DYNC1H1: variants seen among roughly 807,000 people sequenced by gnomAD.
DYNC1H1 encodes the protein cytoplasmic dynein 1 heavy chain 1.
In DYNC1H1, 51 loss-of-function variants were observed where a neutral mutation model predicts 527.1. That is an observed-to-expected ratio of 0.10 (90% CI 0.08 to 0.12). DYNC1H1 has a LOEUF of 0.12. Ranked by LOEUF, DYNC1H1 falls within the 10% of genes least tolerant of loss-of-function variation. The probability of loss-of-function intolerance (pLI) is 1.00; values close to 1 mark genes in which losing one functional copy is unlikely to be tolerated. For missense variants in DYNC1H1, 2,771 were observed against 5,971.8 expected, an observed-to-expected ratio of 0.46 and a Z score of 17.66; for synonymous variants, 2,189 against 2,278.8, an observed-to-expected ratio of 0.96 and a Z score of 1.12.
rs999288773 is a variant in DYNC1H1, at chr14:101,987,503, C to G, written c.2589C>G (p.Ser863=). ...AAAAAATAGACCTAGAAGTCCGTTC[C>G]TTGGAAACTTGTATGTATGACCATA... The part of the protein sequence containing the change: ...IEEKIDLEVR[S]LETCMYDHKT... The change falls in exon 9 of 78, where the codon TCC becomes TCG. Residue 863 remains serine (S), a synonymous_variant. Coordinates refer to ENST00000360184, the MANE Select transcript of DYNC1H1 (RefSeq NM_001376.5). 2 of 1,614,004 alleles carry G rather than the reference C, an allele frequency of 1.2e-6. No individual in the cohort carries two copies. The highest frequency in any genetic ancestry group is 1.3e-5 in the African/African-American group (1 of 74,908).
chr14:102,048,785 G>C, intron 74 of DYNC1H1, 116 bp downstream of exon 74: 7 of 1,052,354 alleles, frequency 6.7e-6, no homozygotes, highest in South Asian at 5.3e-5. Context: ...AGGAGCTTCC[G>C]AGAGCAGCTC....
In DYNC1H1 at chr14:102,009,854, A is replaced by G; in HGVS notation, c.5989A>G (p.Ile1997Val). ...CATCTCATTCTCAGCCTCTGCCCCC[A>G]TTACTTGTGAGCTGCTGAACAAACA... ...NPNYDKTSAP[I>V]TCELLNKQVK... Residue 1997 changes from isoleucine to valine, a missense_variant, in exon 30 of 78, where the codon ATT (isoleucine) becomes GTT (valine). Transcript: ENST00000360184. 1 of 1,613,356 alleles carries G rather than the reference A, an allele frequency of 6.2e-7. No homozygotes were observed.
chr14:102,024,761 C>G (rs1169553861), intron 43 of DYNC1H1, among the ~76,000 whole-genome samples: 2 of 129,836 alleles, frequency 1.5e-5, no homozygotes, highest in Non-Finnish European at 3.1e-5. Context: ...GTGGTGCTTT[C>G]TCGGCTCACT....
Position 102,011,384 on chromosome 14 carries a change from G to C in DYNC1H1, c.6618+432G>C. Reference sequence around the variant, plus strand: ...TACACAAGCTGTGTGTGTTTGGCCTGAGAGATGCTGTACGGGATTGAACAC... The same window carrying C: ...TACACAAGCTGTGTGTGTTTGGCCTCAGAGATGCTGTACGGGATTGAACAC... On this transcript the variant is annotated intron_variant, in intron 32 of 77. Coordinates refer to ENST00000360184, the MANE Select transcript of DYNC1H1 (RefSeq NM_001376.5). This position sits in a 1 kb window ranked among gnomAD's most constrained non-coding sequence, Gnocchi z 5.3. The C allele has an allele frequency of 2.8e-6, 1 of 351,654 alleles. No individual in the cohort carries two copies. The highest frequency in any genetic ancestry group is 2.3e-5 in the South Asian group (1 of 43,922). 21.8% of individuals were successfully genotyped at this position (351,654 alleles called of 1,614,324 possible).
rs2048845610 is a variant in DYNC1H1 at position 102,053,662 on chromosome 14, A to T, written c.*3099A>T. ...ACAGGGTTTCACTGTGTTAGCCAGG[A>T]TGGTCTCGCTCTCCTGACCTCGTGA... On this transcript the variant is annotated 3_prime_UTR_variant, in exon 78 of 78. Transcript: ENST00000360184. The T allele has an allele frequency of 6.9e-6, 1 of 143,962 alleles. No individual in the cohort carries two copies. Among genetic ancestry groups the T allele is most frequent in the Non-Finnish European group, 1.5e-5 (1 of 66,894 alleles). The allele number at this position is 143,962 out of a possible 1,614,324, so 8.9% of individuals were successfully genotyped here. A position where few individuals can be genotyped will look rare whatever the true frequency, so the allele number is the denominator to read the frequency against.
rs770786524 is a variant in DYNC1H1, at chr14:102,049,389, TG to T, written c.13373-46del. The T allele has an allele frequency of 6.2e-7, 1 of 1,612,080 alleles. No homozygotes were observed. Among genetic ancestry groups the T allele is most frequent in the South Asian group, 1.1e-5 (1 of 90,986 alleles). The stretch of plus-strand genomic sequence containing the variant: ...ACTTGCACATTTGTTCCATCTGTGC[TG>T]GGGGAGTTGTGAGAGCTGACACCCT... On this transcript the variant is annotated intron_variant, in intron 74 of 77. Coordinates refer to ENST00000360184, the MANE Select transcript of DYNC1H1 (RefSeq NM_001376.5). This position sits in a 1 kb window ranked among gnomAD's most constrained non-coding sequence, Gnocchi z 5.5.
rs2048127605 is a variant in DYNC1H1, at chr14:102,001,285, T to C, written c.4326T>C (p.Asn1442=). 1 of 1,614,138 alleles carries C rather than the reference T, an allele frequency of 6.2e-7. No individual in the cohort carries two copies. The highest frequency in any genetic ancestry group is 8.5e-7 in the Non-Finnish European group (1 of 1,180,032). Residue 1442 remains asparagine (N), a synonymous_variant, in exon 20 of 78, where the codon AAT becomes AAC. Coordinates refer to ENST00000360184, the MANE Select transcript of DYNC1H1 (RefSeq NM_001376.5). The surrounding 1 kb of genome is among the most constrained non-coding windows in gnomAD (Gnocchi z 5.0). ...GQIWDVDLQK[N]EAIVKDVLLV... ...TCTGGGATGTTGACTTGCAGAAAAA[T>C]GAAGCGATTGTCAAGGATGTACTGC...
At chr14:101,994,114 G>A in intron 11 of DYNC1H1, 70 bp from the exon 12 acceptor site, 1 of 1,609,908 alleles carries the variant, frequency 6.2e-7, no homozygotes, top group African/African-American at 1.3e-5. Flanking sequence ...TTTTAATTAA[G>A]TAAAAGGTGA....
At position 102,036,863 on chromosome 14, in the gene DYNC1H1, T is replaced by C. The variant is rs1007070066; in HGVS notation, c.10908+221T>C. 1 of 509,522 alleles carries C rather than the reference T, an allele frequency of 2.0e-6. No individual in the cohort carries two copies. Among genetic ancestry groups the C allele is most frequent in the African/African-American group, 1.9e-5 (1 of 51,322 alleles). 31.6% of individuals were successfully genotyped at this position (509,522 alleles called of 1,614,324 possible). Reference sequence around the variant, plus strand: ...GCTCACACCTGTAATCTCAGCACTTTGGGAGGCCGAGGCGGGTGGATCATC... The same window carrying C: ...GCTCACACCTGTAATCTCAGCACTTCGGGAGGCCGAGGCGGGTGGATCATC... On this transcript the variant is annotated intron_variant, in intron 57 of 77. Transcript: ENST00000360184. This position sits in a 1 kb window ranked among gnomAD's most constrained non-coding sequence, Gnocchi z 5.6.
At position 102,050,890 on chromosome 14, in the gene DYNC1H1, C is replaced by T. The variant is rs1271161261; in HGVS notation, c.*327C>T. 7 of 380,490 alleles carry T rather than the reference C, an allele frequency of 1.8e-5. No homozygotes were observed. The highest frequency in any genetic ancestry group is 3.0e-5 in the Non-Finnish European group (6 of 199,692). 23.6% of individuals were successfully genotyped at this position (380,490 alleles called of 1,614,324 possible). On this transcript the variant is annotated 3_prime_UTR_variant, in exon 78 of 78. Transcript: ENST00000360184. ...GGCAGCCCACGGCAGCCATGCCCCTCCCCACCTCGCTTTCATCATGAGCTC... is the reference window on the plus strand; with the variant it reads ...GGCAGCCCACGGCAGCCATGCCCCTTCCCACCTCGCTTTCATCATGAGCTC...
Position 102,034,557 on chromosome 14 carries a change from C to T in DYNC1H1, c.10754+105C>T, listed in dbSNP as rs904878578. On this transcript the variant is annotated intron_variant, in intron 56 of 77. Coordinates refer to ENST00000360184, the MANE Select transcript of DYNC1H1 (RefSeq NM_001376.5). Reference sequence around the variant, plus strand: ...TTGAAGAGAGGAATAGAAAATGGGGCGTGGGCATACAGTGCTGGCAGCTTG... The same window carrying T: ...TTGAAGAGAGGAATAGAAAATGGGGTGTGGGCATACAGTGCTGGCAGCTTG... 71 of 1,581,312 alleles carry T rather than the reference C, an allele frequency of 4.5e-5. No individual in the cohort carries two copies. In the African/African-American group the frequency reaches 8.0e-4, roughly 18 times the overall value.
In DYNC1H1 at chr14:102,015,931, G is replaced by A. The variant is rs757980661; in HGVS notation, c.7318G>A (p.Ala2440Thr). 1.9e-6 allele frequency: 3 copies of A among 1,614,210 alleles called. No homozygotes were observed. The highest frequency in any genetic ancestry group is 1.1e-5 in the South Asian group (1 of 91,090). Residue 2440 changes from alanine (A) to threonine (T), a missense_variant, in exon 36 of 78, where the codon GCC (alanine) becomes ACC (threonine). By Grantham distance (58) the Ala-to-Thr change is moderately conservative. Coordinates refer to ENST00000360184, the MANE Select transcript of DYNC1H1 (RefSeq NM_001376.5). The surrounding 1 kb of genome is among the most constrained non-coding windows in gnomAD (Gnocchi z 6.9). ...NGLVTKALEHAFQLEHIMDLT... is the reference protein window; with the variant it reads ...NGLVTKALEHTFQLEHIMDLT... ...CCTGGTCACCAAGGCGCTAGAGCACGCCTTCCAGCTGGAGCACATCATGGA... is the reference window on the plus strand; with the variant it reads ...CCTGGTCACCAAGGCGCTAGAGCACACCTTCCAGCTGGAGCACATCATGGA...
rs1378036616 is a variant in DYNC1H1 at position 102,017,057 on chromosome 14, T to TA, written c.7849-30dup. On this transcript the variant is annotated intron_variant, in intron 38 of 77. Coordinates refer to ENST00000360184, the MANE Select transcript of DYNC1H1 (RefSeq NM_001376.5). The surrounding 1 kb of genome is among the most constrained non-coding windows in gnomAD (Gnocchi z 4.6). ...TTGGTGCTGAGCATGGGGTTGGTCT[T>TA]ACAGTGTGGTTTTGTGTCTTCCCTC... 3 of 1,614,126 alleles carry TA rather than the reference T, an allele frequency of 1.9e-6. No homozygotes were observed. Among genetic ancestry groups the TA allele is most frequent in the African/African-American group, 2.7e-5 (2 of 74,950 alleles).
chr14:101,995,185 G>A lies in DYNC1H1; in HGVS notation c.3449G>A (p.Arg1150His). ...TACTCCCCTCTCTCTGAACAGTCCC[G>A]CCAAGAGTTGGAGCAGCACTCAGTA... ...TEFHSQISKS[R>H]QELEQHSVDT... The change falls in exon 15 of 78, where the codon CGC becomes CAC. Residue 1150 changes from arginine (R) to histidine (H), a missense_variant. Transcript: ENST00000360184. The A allele has an allele frequency of 6.2e-7, 1 of 1,614,182 alleles. No individual in the cohort carries two copies. Among genetic ancestry groups the A allele is most frequent in the Non-Finnish European group, 8.5e-7 (1 of 1,180,028 alleles).
chr14:102,040,272 G>A lies in DYNC1H1; in HGVS notation c.11727G>A (p.Leu3909=). The change falls in exon 63 of 78, where the codon TTG becomes TTA. Residue 3909 remains leucine (L), a synonymous_variant. Transcript: ENST00000360184. ...ACGATGCAGAATTCCAGCACTTCTTGAGAGGAAATGAGATTGTCCTGAGTG... is the reference window on the plus strand; with the variant it reads ...ACGATGCAGAATTCCAGCACTTCTTAAGAGGAAATGAGATTGTCCTGAGTG... ...PTYDAEFQHF[L]RGNEIVLSAG... 1 of 1,614,190 alleles carries A rather than the reference G, an allele frequency of 6.2e-7. No homozygotes were observed. Among genetic ancestry groups the A allele is most frequent in the Non-Finnish European group, 8.5e-7 (1 of 1,180,050 alleles).
intron 9 of DYNC1H1, 54 bp from the exon 10 acceptor site, chr14:101,988,649 T>C: frequency 6.2e-7 from 1 of 1,612,762 alleles, no homozygotes; most frequent in Non-Finnish European, 8.5e-7. Context: ...TTGACTTGCT[T>C]TGTGAGCTAA....
At position 101,983,351 on chromosome 14, in the gene DYNC1H1, A is replaced by T; in HGVS notation, c.1234-31A>T. 1 of 1,614,066 alleles carries T rather than the reference A, an allele frequency of 6.2e-7. No individual in the cohort carries two copies. Among genetic ancestry groups the T allele is most frequent in the South Asian group, 1.1e-5 (1 of 91,072 alleles). ...CATTGAGATGAAAATATGTCTTAATAATAAGCCTCACTTTTGAAATTATAT... is the reference window on the plus strand; with the variant it reads ...CATTGAGATGAAAATATGTCTTAATTATAAGCCTCACTTTTGAAATTATAT... On this transcript the variant is annotated intron_variant, in intron 6 of 77. Transcript: ENST00000360184. This position sits in a 1 kb window ranked among gnomAD's most constrained non-coding sequence, Gnocchi z 5.3.
intron 4 of DYNC1H1, 76 bp downstream of exon 4, chr14:101,980,050 T>C (rs549208380): frequency 1.2e-6 from 2 of 1,603,484 alleles, no homozygotes; most frequent in Non-Finnish European, 1.7e-6. Context: ...CTGGATTTTG[T>C]AAGTGAGGTA....
chr14:102,027,324 A>G lies in DYNC1H1; in HGVS notation c.8886+36A>G. The G allele has an allele frequency of 6.2e-7, 1 of 1,614,112 alleles. No homozygotes were observed. Among genetic ancestry groups the G allele is most frequent in the Non-Finnish European group, 8.5e-7 (1 of 1,180,002 alleles). ...TCGGTGGCCTCTTAATCCCAGCAACAGATGTGTGTGCAGAGCTCAGTGAGT... is the reference window on the plus strand; with the variant it reads ...TCGGTGGCCTCTTAATCCCAGCAACGGATGTGTGTGCAGAGCTCAGTGAGT... On this transcript the variant is annotated intron_variant, in intron 45 of 77. Transcript: ENST00000360184. This position sits in a 1 kb window ranked among gnomAD's most constrained non-coding sequence, Gnocchi z 7.7.
Sources: allele counts gnomAD v4.1 joint callset (sites outside exome capture counted in the v4.1 genomes callset), GRCh38; gene constraint gnomAD v4.1.1; non-coding constraint Gnocchi (gnomAD v3.1); transcripts MANE v1.5; gene names NCBI Gene and HGNC (gene_info 2026-07-23, HGNC 2026-07-21).